Variants in CTNNA3 observed in about 807,000 individuals in gnomAD.
The protein encoded by CTNNA3 is catenin alpha-3.
Under a neutral mutation model 95.7 loss-of-function variants are expected in CTNNA3, and 76 were observed. The observed-to-expected ratio is 0.79, with a 90% confidence interval of 0.66 to 0.96. The LOEUF is 0.96. Among genes scored for constraint, CTNNA3 ranks in the 40% least tolerant of loss-of-function variants. The pLI, the probability that CTNNA3 is intolerant of heterozygous loss-of-function variation, is 0.00. For missense variants in CTNNA3, 1,191 were observed against 1,089.8 expected (o/e 1.09, Z -1.31); for synonymous variants, 431 against 374.4 (o/e 1.15, Z -1.74).
intron 9 of CTNNA3, among the ~76,000 whole-genome samples, chr10:66,640,848 A>G (rs1845493264): frequency 6.6e-6 from 1 of 152,142 alleles, no homozygotes; most frequent in South Asian, 2.1e-4. Flanking sequence ...GGCAGACATA[A>G]TCTTAAAACT....
chr10:67,038,825 G>A (rs1420723967), intron 7 of CTNNA3, among the ~76,000 whole-genome samples: 1 of 151,840 alleles, frequency 6.6e-6, no homozygotes, highest in East Asian at 1.9e-4. Flanking sequence ...AAAAGTAAAT[G>A]CATAAAATGA....
chr10:67,417,565 T>A (rs1300084035), intron 5 of CTNNA3, among the ~76,000 whole-genome samples: 1 of 152,180 alleles, frequency 6.6e-6, no homozygotes, highest in African/African-American at 2.4e-5. Context: ...GCCGGTTTAT[T>A]TTATTCAATA....
chr10:66,489,988 A>G (rs1008380331), intron 11 of CTNNA3, among the ~76,000 whole-genome samples: 68 of 152,346 alleles, frequency 4.5e-4, no homozygotes, highest in African/African-American at 1.6e-3. Context: ...TGGCGAAGGC[A>G]TATTATTGTC....
intron 17 of CTNNA3, among the ~76,000 whole-genome samples, chr10:65,958,904 T>A (rs769895553): frequency 2.0e-5 from 3 of 152,162 alleles, no homozygotes; most frequent in Non-Finnish European, 4.4e-5. Flanking sequence ...GGGAAAACCA[T>A]TGCTCTCTTG....
intron 3 of CTNNA3, among the ~76,000 whole-genome samples, chr10:67,580,077 T>C (rs1842327886): frequency 6.6e-6 from 1 of 152,206 alleles, no homozygotes; most frequent in Non-Finnish European, 1.5e-5. Context: ...CATTTGTCAA[T>C]TTAGGCTTTT....
At chr10:65,956,832 T>C (rs1479566029) in intron 17 of CTNNA3, among the ~76,000 whole-genome samples, 1 of 152,202 alleles carries the variant, frequency 6.6e-6, no homozygotes, top group Non-Finnish European at 1.5e-5. Flanking sequence ...TTGGAATAAG[T>C]GCGACGTTGT....
intron 5 of CTNNA3, among the ~76,000 whole-genome samples, chr10:67,316,304 A>G (rs1192249212): frequency 6.6e-6 from 1 of 152,168 alleles, no homozygotes. Flanking sequence ...TTATTTCTGG[A>G]AAGTGGAATT....
At chr10:65,997,938 T>C (rs138953108) in intron 15 of CTNNA3, among the ~76,000 whole-genome samples, 196 of 152,142 alleles carry the variant, frequency 1.3e-3, no homozygotes, top group Non-Finnish European at 2.4e-3. Context: ...TCGCTCGAAC[T>C]CAGGAGGCAG....
intron 9 of CTNNA3, among the ~76,000 whole-genome samples, chr10:66,636,961 G>T (rs1360860922): frequency 6.6e-6 from 1 of 152,104 alleles, no homozygotes; most frequent in Non-Finnish European, 1.5e-5. Context: ...AGGAGATAAC[G>T]CAGTGAAGCT....
rs140006514 is a variant in CTNNA3 at position 66,277,924 on chromosome 10, T to C, written c.1884+2546A>G. ...ATCAGATACTAAAGGTTCTTAACAC[T>C]AATGCTCTTAACTGAATCTCTCTAG... is the stretch of plus-strand genomic sequence containing the variant. On this transcript the variant is annotated intron_variant, in intron 13 of 17. Transcript: ENST00000433211. Among the ~76,000 whole-genome samples, 831 of 152,032 alleles carry C rather than the reference T, an allele frequency of 5.5e-3. 8 individuals carry two copies. Among genetic ancestry groups the C allele is most frequent in the African/African-American group, 0.019 (787 of 41,494 alleles).
chr10:66,199,594 G>C (rs1010473383), intron 13 of CTNNA3, among the ~76,000 whole-genome samples: 1 of 150,156 alleles, frequency 6.7e-6, no homozygotes, highest in East Asian at 2.0e-4. Flanking sequence ...TAGTTTGTTT[G>C]TTTGTTTGTT....
chr10:66,365,568 G>A (rs568883237), intron 12 of CTNNA3, among the ~76,000 whole-genome samples: 1 of 152,102 alleles, frequency 6.6e-6, no homozygotes, highest in Non-Finnish European at 1.5e-5. Context: ...TTGGTGACAT[G>A]GGACCATATG....
chr10:65,984,249 T>A (rs1413975458), intron 16 of CTNNA3, among the ~76,000 whole-genome samples: 1 of 151,302 alleles, frequency 6.6e-6, no homozygotes, highest in Non-Finnish European at 1.5e-5. Flanking sequence ...TTGCTTACAT[T>A]ACTCAATTTA....
intron 7 of CTNNA3, among the ~76,000 whole-genome samples, chr10:67,074,452 G>C (rs1175702466): frequency 2.2e-5 from 3 of 136,908 alleles, no homozygotes; most frequent in Non-Finnish European, 4.5e-5. Context: ...CCGGGTTCAC[G>C]CCATTCTCCT....
chr10:66,394,456 T>G (rs1215239761), intron 11 of CTNNA3, among the ~76,000 whole-genome samples: 1 of 150,120 alleles, frequency 6.7e-6, no homozygotes, highest in African/African-American at 2.5e-5. Context: ...TTCCATCAAC[T>G]CCTCTACTAC....
intron 7 of CTNNA3, among the ~76,000 whole-genome samples, chr10:66,932,822 C>G (rs928251444): frequency 6.6e-6 from 1 of 152,064 alleles, no homozygotes; most frequent in Non-Finnish European, 1.5e-5. Context: ...TTAATACTAC[C>G]AATAAAATCT....
At chr10:67,094,192 C>G (rs1374881317) in intron 7 of CTNNA3, among the ~76,000 whole-genome samples, 1 of 151,776 alleles carries the variant, frequency 6.6e-6, no homozygotes, top group Non-Finnish European at 1.5e-5. Context: ...TAATTAGAAG[C>G]AAAAATATCC....
chr10:66,273,264 A>G (rs1380237359), intron 13 of CTNNA3, among the ~76,000 whole-genome samples: 2 of 152,148 alleles, frequency 1.3e-5, no homozygotes, highest in Admixed American at 6.6e-5. Flanking sequence ...ATACTATATG[A>G]CTAATGGGAG....
At chr10:66,470,359 T>C (rs1205561510) in intron 11 of CTNNA3, among the ~76,000 whole-genome samples, 5 of 151,890 alleles carry the variant, frequency 3.3e-5, no homozygotes, top group Non-Finnish European at 7.4e-5. Flanking sequence ...ATGATCAGAA[T>C]AGACAAAATA....
Sources: gnomAD v4.1 joint callset for allele counts (sites outside exome capture counted in the v4.1 genomes callset) on GRCh38, gnomAD v4.1.1 for gene constraint, MANE v1.5 for transcripts, NCBI Gene and HGNC (gene_info 2026-07-23, HGNC 2026-07-21) for gene names.